Variants in MACROD2 observed in about 807,000 individuals in gnomAD.
MACROD2 encodes mono-ADP ribosylhydrolase 2, also known as ADP-ribose glycohydrolase MACROD2.
In MACROD2, 36 loss-of-function variants were observed where a neutral mutation model predicts 70.4. The ratio of observed to expected loss-of-function variants is 0.51; its 90% CI spans 0.39 to 0.68. The LOEUF is 0.68. Among genes scored for constraint, MACROD2 ranks in the 30% least tolerant of loss-of-function variants. MACROD2 has a pLI of 0.00. For synonymous variants in MACROD2, 172 were observed against 178.8 expected (o/e 0.96, Z 0.30); for missense variants, 496 against 538.4 (o/e 0.92, Z 0.78).
intron 5 of MACROD2, among the ~76,000 whole-genome samples, chr20:15,168,970 A>G (rs1162816053): frequency 1.3e-5 from 2 of 152,220 alleles, no homozygotes; most frequent in African/African-American, 4.8e-5. Flanking sequence ...TAATAGAGGT[A>G]GAAGGTAGAA....
chr20:15,555,786 G>T (rs201103551), intron 8 of MACROD2, among the ~76,000 whole-genome samples: 3 of 125,794 alleles, frequency 2.4e-5, no homozygotes, highest in African/African-American at 9.1e-5. Context: ...CCAAGATTGC[G>T]CCACTGCACT....
chr20:14,094,382 T>C (rs571384667), intron 3 of MACROD2, among the ~76,000 whole-genome samples: 1 of 152,320 alleles, frequency 6.6e-6, no homozygotes, highest in South Asian at 2.1e-4. Context: ...TTTCTTGAAT[T>C]CTCAATTTGT....
At chr20:15,261,331 T>C (rs924546626) in intron 6 of MACROD2, among the ~76,000 whole-genome samples, 2 of 152,016 alleles carry the variant, frequency 1.3e-5, no homozygotes, top group Non-Finnish European at 2.9e-5. Context: ...AGGGCCACTC[T>C]AGGATTTAAT....
chr20:14,638,979 G>T (rs763005972), intron 4 of MACROD2, among the ~76,000 whole-genome samples: 1 of 151,478 alleles, frequency 6.6e-6, no homozygotes, highest in Non-Finnish European at 1.5e-5. Flanking sequence ...AGAATTAAAT[G>T]AGTGAATATG....
At position 14,910,580 on chromosome 20, in the gene MACROD2, C is replaced by CT. The variant is rs551513254; in HGVS notation, c.418+225623dup. 1.7e-3 allele frequency among the ~76,000 whole-genome samples: 265 copies of CT among 152,306 alleles called. 1 individual carries two copies. The highest frequency in any genetic ancestry group is 2.8e-3 in the Non-Finnish European group (189 of 68,012). On this transcript the variant is annotated intron_variant, in intron 5 of 17. Transcript: ENST00000684519. The stretch of plus-strand genomic sequence containing the variant: ...GTTAGAATGTAAAGCCTCTTTTAAA[C>CT]TTAGGCTTCCTCCACCATTTGTCAG...
At chr20:15,828,198 A>C (rs2064017929) in intron 8 of MACROD2, among the ~76,000 whole-genome samples, 1 of 152,198 alleles carries the variant, frequency 6.6e-6, no homozygotes, top group Admixed American at 6.6e-5. Context: ...ATCATTCCAC[A>C]ATGTATACAT....
At chr20:15,319,094 T>A (rs1479224807) in intron 6 of MACROD2, among the ~76,000 whole-genome samples, 1 of 152,138 alleles carries the variant, frequency 6.6e-6, no homozygotes, top group African/African-American at 2.4e-5. Flanking sequence ...ACTGCTAGTG[T>A]TAGTAAACAA....
chr20:16,012,298 T>C (rs1312385215), intron 15 of MACROD2, among the ~76,000 whole-genome samples: 1 of 152,210 alleles, frequency 6.6e-6, no homozygotes, highest in Non-Finnish European at 1.5e-5. Flanking sequence ...CACCGTGAGG[T>C]AGACTTTCCA....
At chr20:15,586,316 A>G (rs1263188207) in intron 8 of MACROD2, among the ~76,000 whole-genome samples, 1 of 152,164 alleles carries the variant, frequency 6.6e-6, no homozygotes, top group Non-Finnish European at 1.5e-5. Flanking sequence ...AAGTGATGCT[A>G]ATACTGCTGG....
intron 6 of MACROD2, among the ~76,000 whole-genome samples, chr20:15,235,770 C>T (rs1389148371): frequency 6.6e-6 from 1 of 152,202 alleles, no homozygotes; most frequent in African/African-American, 2.4e-5. Context: ...AACACGTCTG[C>T]AGCCTTAAAA....
At chr20:15,161,266 T>G (rs2076346435) in intron 5 of MACROD2, among the ~76,000 whole-genome samples, 1 of 151,830 alleles carries the variant, frequency 6.6e-6, no homozygotes, top group African/African-American at 2.4e-5. Flanking sequence ...GCAGGTCTTT[T>G]GGGAATGGTA....
At chr20:15,762,674 A>G (rs1203626382) in intron 8 of MACROD2, among the ~76,000 whole-genome samples, 1 of 152,174 alleles carries the variant, frequency 6.6e-6, no homozygotes. Context: ...TGTTATGGCT[A>G]TGAGAAGAAT....
rs76585841 is a variant in MACROD2 at position 15,031,518 on chromosome 20, A to G, written c.419-198422A>G. On this transcript the variant is annotated intron_variant, in intron 5 of 17. Transcript: ENST00000684519. Reference sequence around the variant, plus strand: ...TCTCAGGAAACCCATAGTGGGTAGCACCTTTCCTCAGGCAGGTCGTCCTGA... The same window carrying G: ...TCTCAGGAAACCCATAGTGGGTAGCGCCTTTCCTCAGGCAGGTCGTCCTGA... 9.7e-3 allele frequency among the ~76,000 whole-genome samples: 1,482 copies of G among 152,224 alleles called. 22 individuals are homozygous for G. Among genetic ancestry groups the G allele is most frequent in the African/African-American group, 0.034 (1,395 of 41,540 alleles).
chr20:14,356,484 G>A (rs2083173146), intron 3 of MACROD2, among the ~76,000 whole-genome samples: 1 of 149,682 alleles, frequency 6.7e-6, no homozygotes. Flanking sequence ...CCTGGGGGCT[G>A]GAGGATCTAC....
intron 4 of MACROD2, among the ~76,000 whole-genome samples, chr20:14,501,319 A>G (rs910347973): frequency 2.0e-5 from 3 of 152,152 alleles, no homozygotes; most frequent in Non-Finnish European, 2.9e-5. Flanking sequence ...ATGTTTTACC[A>G]TATTGAGGGT....
chr20:14,377,568 G>T (rs2083383912), intron 3 of MACROD2, among the ~76,000 whole-genome samples: 1 of 152,168 alleles, frequency 6.6e-6, no homozygotes, highest in Non-Finnish European at 1.5e-5. Context: ...GAGACAAATA[G>T]CCTTGAGGCT....
intron 10 of MACROD2, among the ~76,000 whole-genome samples, chr20:15,909,933 A>C (rs2065210723): frequency 6.6e-6 from 1 of 152,188 alleles, no homozygotes; most frequent in Non-Finnish European, 1.5e-5. Flanking sequence ...AGGAGGTCTT[A>C]ATACCTACTT....
intron 5 of MACROD2, among the ~76,000 whole-genome samples, chr20:15,210,719 G>A (rs1200560568): frequency 6.6e-6 from 1 of 152,030 alleles, no homozygotes; most frequent in Non-Finnish European, 1.5e-5. Flanking sequence ...TCCTGTGATA[G>A]TGAGTTCTCA....
At position 14,794,723 on chromosome 20, in the gene MACROD2, C is replaced by T; in HGVS notation, c.418+109764C>T. On this transcript the variant is annotated intron_variant, in intron 5 of 17. Coordinates refer to ENST00000684519, the MANE Select transcript of MACROD2 (RefSeq NM_001351661.2). ...TTGTAGAGCATTTTAATTAGTTTAA[C>T]AAATGTTTACTGGGGTCTTATAAGT... is the stretch of plus-strand genomic sequence containing the variant. Among the ~76,000 whole-genome samples the T allele has an allele frequency of 1.3e-5, 2 of 152,046 alleles. 1 individual carries two copies. The highest frequency in any genetic ancestry group is 2.9e-5 in the Non-Finnish European group (2 of 68,028).
Sources: gnomAD v4.1 joint callset for allele counts (sites outside exome capture counted in the v4.1 genomes callset) on GRCh38, gnomAD v4.1.1 for gene constraint, MANE v1.5 for transcripts, NCBI Gene and HGNC (gene_info 2026-07-23, HGNC 2026-07-21) for gene names.